TPRG1: variants seen among roughly 807,000 people sequenced by gnomAD.
TPRG1 encodes the protein tumor protein p63-regulated gene 1 protein.
In TPRG1, 29 loss-of-function variants were observed where a neutral mutation model predicts 29.3. The ratio of observed to expected loss-of-function variants is 0.99; its 90% CI spans 0.74 to 1.35. The LOEUF (loss-of-function observed/expected upper bound fraction) is 1.35. TPRG1 is among the 40% of genes most tolerant of loss of function. The pLI is 0.00. For synonymous variants in TPRG1, 130 were observed against 116.8 expected (o/e 1.11, Z -0.73); for missense variants, 327 against 335.0 (o/e 0.98, Z 0.19).
At chr3:189,007,961 CG>C (rs1712385291) in intron 3 of TPRG1, among the ~76,000 whole-genome samples, 1 of 147,686 alleles carries the variant, frequency 6.8e-6, no homozygotes. Context: ...GACGAGTTAG[CG>C]GGTGCAGCGC....
At chr3:189,270,566 T>C (rs1714948301) in intron 4 of TPRG1, among the ~76,000 whole-genome samples, 1 of 152,192 alleles carries the variant, frequency 6.6e-6, no homozygotes, top group African/African-American at 2.4e-5. Context: ...CTGGTAGGGC[T>C]AGGGTTGGCA....
At chr3:189,154,426 AT>A (rs1163595926) in intron 5 of TPRG1, among the ~76,000 whole-genome samples, 2 of 150,808 alleles carry the variant, frequency 1.3e-5, no homozygotes, top group Non-Finnish European at 2.9e-5. Context: ...GCAAAAATCC[AT>A]GGCCTCATGC....
chr3:189,178,571 A>G (rs868753637), intron 1 of TPRG1, among the ~76,000 whole-genome samples: 1 of 152,222 alleles, frequency 6.6e-6, no homozygotes, highest in African/African-American at 2.4e-5. Flanking sequence ...ATTGATGTAC[A>G]TAGGCAGAAC....
At chr3:189,158,580 G>T (rs1727011617) in intron 5 of TPRG1, among the ~76,000 whole-genome samples, 1 of 152,060 alleles carries the variant, frequency 6.6e-6, no homozygotes, top group African/African-American at 2.4e-5. Context: ...CTGCACTCCA[G>T]CCTGGGCGAC....
intron 3 of TPRG1, among the ~76,000 whole-genome samples, chr3:189,224,286 TC>T (rs1337604929): frequency 6.6e-6 from 1 of 152,064 alleles, no homozygotes; most frequent in East Asian, 1.9e-4. Flanking sequence ...ATCGAGACCA[TC>T]CTGGCCAACA....
chr3:189,161,493 A>G (rs925749815), intron 5 of TPRG1, among the ~76,000 whole-genome samples: 7 of 151,982 alleles, frequency 4.6e-5, no homozygotes, highest in African/African-American at 1.7e-4. Flanking sequence ...ATTCTTGTCC[A>G]CATTGCCTTA....
chr3:189,135,276 G>A (rs1196955905), intron 3 of TPRG1, among the ~76,000 whole-genome samples: 1 of 152,134 alleles, frequency 6.6e-6, no homozygotes, highest in Non-Finnish European at 1.5e-5. Flanking sequence ...AGTTCTAATG[G>A]TTGTCCAGCA....
intron 1 of TPRG1, among the ~76,000 whole-genome samples, chr3:189,118,705 G>GCC (rs887624751): frequency 2.0e-5 from 3 of 152,226 alleles, no homozygotes; most frequent in African/African-American, 7.2e-5. Context: ...CAAACCCCAA[G>GCC]CCCCAAGCCT....
At chr3:189,207,655 CT>C in intron 2 of TPRG1, 61 bp downstream of exon 2, 1 of 1,506,736 alleles carries the variant, frequency 6.6e-7, no homozygotes. Context: ...TCTTAAAATC[CT>C]TCTGTGTATC....
intron 3 of TPRG1, among the ~76,000 whole-genome samples, chr3:189,017,496 T>C (rs1196102567): frequency 6.6e-6 from 1 of 152,190 alleles, no homozygotes; most frequent in African/African-American, 2.4e-5. Flanking sequence ...TTTTTGTTCT[T>C]GTGATAGTTT....
At chr3:189,171,291 GATTAT>G (rs1728783026), upstream of TPRG1, among the ~76,000 whole-genome samples, 1 of 152,244 alleles carries the variant, frequency 6.6e-6, no homozygotes, top group Non-Finnish European at 1.5e-5. Flanking sequence ...CAGAAAGATA[GATTAT>G]GACTTGCTAT....
At chr3:189,115,428 G>A (rs1578404120) in intron 1 of TPRG1, among the ~76,000 whole-genome samples, 1 of 152,282 alleles carries the variant, frequency 6.6e-6, no homozygotes, top group African/African-American at 2.4e-5. Flanking sequence ...AATTTTGTAG[G>A]CCAAGCTCTC....
chr3:189,242,692 G>A (rs1740811084), intron 4 of TPRG1, among the ~76,000 whole-genome samples: 1 of 151,334 alleles, frequency 6.6e-6, no homozygotes, highest in Non-Finnish European at 1.5e-5. Context: ...TTATATGAGT[G>A]GAGTTATCTT....
intron 1 of TPRG1, among the ~76,000 whole-genome samples, chr3:189,198,014 T>C (rs1732829278): frequency 1.3e-5 from 2 of 152,176 alleles, no homozygotes; most frequent in South Asian, 4.1e-4. Flanking sequence ...GTGGAGGGGA[T>C]GGCAGAGAGA....
rs776176313 is a variant in TPRG1 at position 189,320,653 on chromosome 3, C to G, written c.661C>G (p.Pro221Ala). Residue 221 changes from proline to alanine, a missense_variant, in exon 6 of 6, where the codon CCA becomes GCA. Pro to Ala is a conservative substitution (Grantham distance 27). Transcript: ENST00000345063. ...KLSGFMSKLV[P>A]AIQNAHKNST... ...GTCTGGGTTCATGTCTAAGCTTGTT[C>G]CAGCTATCCAGAATGCCCACAAGAA... is the stretch of plus-strand genomic sequence containing the variant. The G allele has an allele frequency of 6.2e-7, 1 of 1,610,164 alleles. No individual in the cohort carries two copies. The highest frequency in any genetic ancestry group is 1.3e-5 in the African/African-American group (1 of 74,600).
intron 4 of TPRG1, among the ~76,000 whole-genome samples, chr3:189,079,092 G>T (rs1717414885): frequency 6.6e-6 from 1 of 152,168 alleles, no homozygotes; most frequent in Non-Finnish European, 1.5e-5. Context: ...AATTATGGCA[G>T]AAAAGGAAAG....
intron 5 of TPRG1, among the ~76,000 whole-genome samples, chr3:189,158,812 C>G (rs1441833368): frequency 6.6e-6 from 1 of 152,114 alleles, no homozygotes; most frequent in Non-Finnish European, 1.5e-5. Context: ...TGCACTCCCT[C>G]ATCCGAAGTC....
At chr3:189,312,732 A>G (rs1722906028) in intron 5 of TPRG1, among the ~76,000 whole-genome samples, 1 of 152,224 alleles carries the variant, frequency 6.6e-6, no homozygotes, top group Non-Finnish European at 1.5e-5. Flanking sequence ...AATAATGCAA[A>G]AATAAAGATG....
At chr3:189,300,547 G>A (rs1220658398) in intron 4 of TPRG1, among the ~76,000 whole-genome samples, 1 of 152,190 alleles carries the variant, frequency 6.6e-6, no homozygotes, top group African/African-American at 2.4e-5. Flanking sequence ...TTTAGTGCCA[G>A]GGTAATGAAC....
Sources: gnomAD v4.1 joint callset for allele counts (sites outside exome capture counted in the v4.1 genomes callset) on GRCh38, gnomAD v4.1.1 for gene constraint, MANE v1.5 for transcripts, NCBI Gene and HGNC (gene_info 2026-07-23, HGNC 2026-07-21) for gene names.